The following HERC1 variants were observed in gnomAD, a reference collection of about 807,000 sequenced individuals.
The protein encoded by HERC1 is HECT and RLD domain containing E3 ubiquitin protein ligase family member 1, also known as probable E3 ubiquitin-protein ligase HERC1.
Under a neutral mutation model 554.3 loss-of-function variants are expected in HERC1, and 160 were observed. The ratio of observed to expected loss-of-function variants is 0.29; its 90% confidence interval spans 0.25 to 0.33. The LOEUF (loss-of-function observed/expected upper bound fraction) is 0.33. HERC1 is among the 10% of genes least tolerant of loss of function. The pLI is 1.00. For missense variants in HERC1, 4,919 were observed against 5,918.5 expected, an observed-to-expected ratio of 0.83 and a Z score of 5.54; for synonymous variants, 2,175 against 2,131.7, an observed-to-expected ratio of 1.02 and a Z score of -0.56.
intron 2 of HERC1, among the ~76,000 whole-genome samples, chr15:63,765,508 C>T (rs1337548446): frequency 6.6e-6 from 1 of 152,212 alleles, no homozygotes; most frequent in South Asian, 2.1e-4. Context: ...GATCTTAAGT[C>T]TAAAAAGAAA....
chr15:63,829,176 T>C (rs2146065469), intron 1 of HERC1, among the ~76,000 whole-genome samples: 1 of 152,048 alleles, frequency 6.6e-6, no homozygotes, highest in South Asian at 2.1e-4. Context: ...CCCAACACTC[T>C]GAGAGGCCAA....
intron 1 of HERC1, chr15:63,780,472 A>G (rs1421308504): frequency 6.6e-6 from 1 of 152,240 alleles, no homozygotes; most frequent in Non-Finnish European, 1.5e-5. Flanking sequence ...CTGTAATCCC[A>G]GTACTTTGGG....
rs531696665 is a variant in HERC1 at position 63,718,688 on chromosome 15, T to C, written c.3864A>G (p.Gln1288=). The change falls in exon 21 of 78, where the codon CAA becomes CAG. Residue 1288 remains glutamine, a synonymous_variant. Coordinates refer to ENST00000443617, the MANE Select transcript of HERC1 (RefSeq NM_003922.4). The surrounding 1 kb of genome is among the most constrained non-coding windows in gnomAD (Gnocchi z 4.2). ...LSQACGESRY[Q]PGKHLSEVYR... Reference sequence around the variant, plus strand: ...ACACTTCTGATAAGTGTTTACCAGGTTGATATCTAAATGAAGAACCAAAAT... The same window carrying C: ...ACACTTCTGATAAGTGTTTACCAGGCTGATATCTAAATGAAGAACCAAAAT... 48 of 1,602,570 alleles carry C rather than the reference T, an allele frequency of 3.0e-5. No individual in the cohort carries two copies. Among genetic ancestry groups the C allele is most frequent in the African/African-American group, 4.0e-5 (3 of 74,908 alleles).
chr15:63,655,941 A>C lies in HERC1; in HGVS notation c.9885T>G (p.Ala3295=), dbSNP rs769846864. The C allele has an allele frequency of 5.0e-6, 8 of 1,612,016 alleles. No homozygotes were observed. In the Admixed American group the frequency reaches 1.3e-4, roughly 27 times the overall value. The stretch of plus-strand genomic sequence containing the variant: ...CTGTGGTTAGATTTACACCTGTTGC[A>C]GCAGAAATCAAGTTCTGAAGAAGCA... ...VQLCTQNLIS[A]ATGVNLTTVD... Residue 3295 remains alanine, a synonymous_variant, in exon 50 of 78, where the codon GCT becomes GCG. Coordinates refer to ENST00000443617, the MANE Select transcript of HERC1 (RefSeq NM_003922.4).
chr15:63,687,221 G>A (rs144325076), intron 33 of HERC1, among the ~76,000 whole-genome samples: 13 of 152,270 alleles, frequency 8.5e-5, no homozygotes, highest in African/African-American at 2.9e-4. Flanking sequence ...TGACTAATCA[G>A]GATATCCCTG....
chr15:63,642,387 G>T (rs1287409748), intron 59 of HERC1, among the ~76,000 whole-genome samples: 1 of 152,098 alleles, frequency 6.6e-6, no homozygotes, highest in Non-Finnish European at 1.5e-5. Context: ...ACCCAGGTTG[G>T]AGTACAATGG....
chr15:63,754,379 T>C (rs1282424405), intron 7 of HERC1, 126 bp downstream of exon 7: 1 of 561,464 alleles, frequency 1.8e-6, no homozygotes, highest in Admixed American at 4.0e-5. Flanking sequence ...AAAAGCTCAG[T>C]TCATTTTTTA....
chr15:63,619,770 G>A (rs545876480), intron 74 of HERC1, among the ~76,000 whole-genome samples: 3 of 152,234 alleles, frequency 2.0e-5, no homozygotes, highest in Admixed American at 2.0e-4. Context: ...AGATTTTCTA[G>A]TTTATTTGCA....
chr15:63,813,016 T>C (rs1409936384), intron 1 of HERC1, among the ~76,000 whole-genome samples: 2 of 152,142 alleles, frequency 1.3e-5, no homozygotes, highest in African/African-American at 4.8e-5. Context: ...CTAGAATAGC[T>C]AAAAACACAC....
At chr15:63,816,078 G>A (rs1370349715) in intron 1 of HERC1, among the ~76,000 whole-genome samples, 2 of 105,672 alleles carry the variant, frequency 1.9e-5, no homozygotes, top group Non-Finnish European at 4.1e-5. Flanking sequence ...ATTTGGGTGG[G>A]GACACAGCCA....
chr15:63,679,325 T>C (rs2071359326), intron 36 of HERC1, among the ~76,000 whole-genome samples: 1 of 152,210 alleles, frequency 6.6e-6, no homozygotes, highest in South Asian at 2.1e-4. Flanking sequence ...AAATTATAAT[T>C]CCTTGACATT....
intron 39 of HERC1, 47 bp from the exon 40 acceptor site, chr15:63,669,745 T>C (rs750160905): frequency 6.5e-7 from 1 of 1,529,616 alleles, no homozygotes; most frequent in South Asian, 1.1e-5. Context: ...ATTTACGAAA[T>C]AATACATACA....
intron 1 of HERC1, among the ~76,000 whole-genome samples, chr15:63,809,125 TGAAA>T (rs2077220285): frequency 2.0e-5 from 3 of 152,198 alleles, no homozygotes; most frequent in African/African-American, 7.2e-5. Flanking sequence ...AAAGATTATC[TGAAA>T]GAGTTAATGG....
chr15:63,622,733 C>T, intron 74 of HERC1, 82 bp downstream of exon 74: 1 of 1,052,384 alleles, frequency 9.5e-7, no homozygotes, highest in Non-Finnish European at 1.4e-6. Flanking sequence ...TAAAACAGGA[C>T]CTGGTACATA....
At chr15:63,728,635 A>C (rs1453587272) in intron 16 of HERC1, among the ~76,000 whole-genome samples, 2 of 152,216 alleles carry the variant, frequency 1.3e-5, no homozygotes, top group African/African-American at 4.8e-5. Flanking sequence ...AGGACTCAGG[A>C]AAGGTGTTCT....
At chr15:63,613,252 T>C (rs181713153) in intron 76 of HERC1, among the ~76,000 whole-genome samples, 4 of 152,346 alleles carry the variant, frequency 2.6e-5, no homozygotes, top group Admixed American at 2.6e-4. Context: ...TATGAGTAAC[T>C]ACATGAAATT....
At chr15:63,825,851 C>G (rs534860750) in intron 1 of HERC1, among the ~76,000 whole-genome samples, 126 of 152,174 alleles carry the variant, frequency 8.3e-4, no homozygotes, top group African/African-American at 3.0e-3. Context: ...CAACCTCCAC[C>G]TCCTGGGTTC....
chr15:63,630,637 T>C lies in HERC1; in HGVS notation c.12797-2A>G. 1.2e-6 allele frequency: 2 copies of C among 1,606,670 alleles called. No individual in the cohort carries two copies. The highest frequency in any genetic ancestry group is 2.2e-5 in the East Asian group (1 of 44,866). Reference sequence around the variant, plus strand: ...CCTCTGGCAAGCCTATCAGGCGATCTGAAAAAAACAAAACAAAAACATGTG... The same window carrying C: ...CCTCTGGCAAGCCTATCAGGCGATCCGAAAAAAACAAAACAAAAACATGTG... On this transcript the variant is annotated splice_acceptor_variant, in intron 68 of 77. Transcript: ENST00000443617. LOFTEE classifies it high-confidence loss of function.
intron 1 of HERC1, among the ~76,000 whole-genome samples, chr15:63,818,935 G>T (rs2077589431): frequency 6.6e-6 from 1 of 152,172 alleles, no homozygotes; most frequent in Admixed American, 6.5e-5. Flanking sequence ...TTATAGTGCT[G>T]CCATTAGAAT....
Sources: allele counts gnomAD v4.1 joint callset (sites outside exome capture counted in the v4.1 genomes callset), GRCh38; gene constraint gnomAD v4.1.1; non-coding constraint Gnocchi (gnomAD v3.1); transcripts MANE v1.5; gene names NCBI Gene and HGNC (gene_info 2026-07-23, HGNC 2026-07-21).